FGF17: variants seen among roughly 807,000 people sequenced by gnomAD.
FGF17 encodes the protein fibroblast growth factor 17.
In FGF17, 5 loss-of-function variants were observed where a neutral mutation model predicts 23.5. The ratio of observed to expected loss-of-function variants is 0.21; its 90% CI spans 0.11 to 0.45. The LOEUF is 0.45. Among genes scored for constraint, FGF17 ranks in the 20% least tolerant of loss-of-function variants. The probability of loss-of-function intolerance (pLI) is 0.99; values close to 1 mark genes in which losing one functional copy is unlikely to be tolerated. For synonymous variants in FGF17, 136 were observed against 123.0 expected, an observed-to-expected ratio of 1.11 and a Z score of -0.70; for missense variants, 221 against 306.9, an observed-to-expected ratio of 0.72 and a Z score of 2.09.
chr8:22,042,133 G>A (rs571725157), upstream of FGF17, among the ~76,000 whole-genome samples: 2 of 152,340 alleles, frequency 1.3e-5, no homozygotes, highest in Admixed American at 1.3e-4. Flanking sequence ...AGGGGCTTAG[G>A]CCAGGACACC....
In FGF17 at chr8:22,046,540, G is replaced by A. The variant is rs775839407; in HGVS notation, c.264G>A (p.Val88=). 11 of 1,613,578 alleles carry A rather than the reference G, an allele frequency of 6.8e-6. No homozygotes were observed. The highest frequency in any genetic ancestry group is 9.3e-6 in the Non-Finnish European group (11 of 1,179,716). ...CCCCCACCACAGCCAAGCTCATAGT[G>A]GAGACGGACACGTTTGGCAGCCGGG... ...EDGNKFAKLI[V]ETDTFGSRVR... Residue 88 remains valine (V), a synonymous_variant, in exon 4 of 5, where the codon GTG becomes GTA. Transcript: ENST00000359441.
At chr8:22,043,619 C>T (rs867153249) in intron 2 of FGF17, among the ~76,000 whole-genome samples, 7 of 152,124 alleles carry the variant, frequency 4.6e-5, no homozygotes, top group South Asian at 2.1e-4. Flanking sequence ...GTGGGGGTCT[C>T]GTGAGCATGT....
intron 2 of FGF17, among the ~76,000 whole-genome samples, chr8:22,043,707 C>T (rs3176276): frequency 0.1 from 15,117 of 151,570 alleles, 1,204 homozygotes; most frequent in African/African-American, 0.21. Flanking sequence ...TTGTTTGGGA[C>T]GGGATGCAGG....
In FGF17 at chr8:22,043,178, T is replaced by C; in HGVS notation, c.69T>C (p.Thr23=). 3 of 1,613,610 alleles carry C rather than the reference T, an allele frequency of 1.9e-6. No homozygotes were observed. The highest frequency in any genetic ancestry group is 2.5e-6 in the Non-Finnish European group (3 of 1,179,980). The change falls in exon 2 of 5, where the codon ACT becomes ACC. Residue 23 remains threonine, a synonymous_variant. Coordinates refer to ENST00000359441, the MANE Select transcript of FGF17 (RefSeq NM_003867.4). ...AGCTGCTGATTCTCTGCTGTCAAACTCAGGTAGGCGGGCATTCCCACCGGC... is the reference window on the plus strand; with the variant it reads ...AGCTGCTGATTCTCTGCTGTCAAACCCAGGTAGGCGGGCATTCCCACCGGC... ...CLQLLILCCQ[T]QGENHPSPNF... is the part of the protein sequence containing the mutation.
chr8:22,040,091 C>T (rs1032938057), upstream of FGF17, among the ~76,000 whole-genome samples: 2 of 152,028 alleles, frequency 1.3e-5, no homozygotes, highest in African/African-American at 4.8e-5. Flanking sequence ...CCCCTTTCCC[C>T]GAGCTCACTC....
In FGF17 at chr8:22,047,958, C is replaced by T. The variant is rs1306787277; in HGVS notation, c.360C>T (p.Pro120=). 10 of 1,598,354 alleles carry T rather than the reference C, an allele frequency of 6.3e-6. No individual in the cohort carries two copies. Among genetic ancestry groups the T allele is most frequent in the Non-Finnish European group, 8.6e-6 (10 of 1,167,376 alleles). ...TCCTGTCCTTGCTTCTCCCGCAGCC[C>T]AGCGGGAAGAGCAAAGACTGCGTGT... ...MNKRGKLIGK[P]SGKSKDCVFT... is the part of the protein sequence containing the mutation. The change falls in exon 5 of 5, where the codon CCC becomes CCT. Residue 120 remains proline (P), a splice_region_variant and synonymous_variant. Coordinates refer to ENST00000359441, the MANE Select transcript of FGF17 (RefSeq NM_003867.4).
rs1800862948 is a variant in FGF17 at position 22,046,242 on chromosome 8, G to A, written c.201G>A (p.Gln67=). The A allele has an allele frequency of 6.2e-7, 1 of 1,613,812 alleles. No individual in the cohort carries two copies. The highest frequency in any genetic ancestry group is 1.3e-5 in the African/African-American group (1 of 74,942). ...GCAGGACCAGTGGCAAGCACGTGCA[G>A]GTCACCGGGCGTCGCATCTCCGCCA... ...LYSRTSGKHV[Q]VTGRRISATA... is the part of the protein sequence containing the mutation. Residue 67 remains glutamine (Q), a synonymous_variant, in exon 3 of 5, where the codon CAG becomes CAA. Coordinates refer to ENST00000359441, the MANE Select transcript of FGF17 (RefSeq NM_003867.4).
chr8:22,046,336 C>A (rs1165485587), intron 3 of FGF17, 45 bp downstream of exon 3: 1 of 1,589,724 alleles, frequency 6.3e-7, no homozygotes, highest in Admixed American at 1.7e-5. Context: ...CTCCACTCTG[C>A]CTCACTTCCA....
At chr8:22,047,839 C>G in intron 4 of FGF17, 117 bp from the exon 5 acceptor site, 1 of 1,008,334 alleles carries the variant, frequency 9.9e-7, no homozygotes, top group Non-Finnish European at 1.4e-6. Flanking sequence ...GTTCCCTGGG[C>G]TCACGGCCCC....
chr8:22,044,409 G>A (rs1284032954), intron 2 of FGF17, among the ~76,000 whole-genome samples: 2 of 151,986 alleles, frequency 1.3e-5, no homozygotes, highest in African/African-American at 2.4e-5. Flanking sequence ...GTCCCGCGGG[G>A]AGAGGGACTT....
intron 2 of FGF17, chr8:22,044,522 C>T: frequency 4.9e-6 from 1 of 203,766 alleles, no homozygotes; most frequent in Non-Finnish European, 8.7e-6. Context: ...TGCTCCTGAC[C>T]TGGAACAGAC....
At position 22,048,315 on chromosome 8, in the gene FGF17, A is replaced by T. The variant is rs1801007021; in HGVS notation, c.*66A>T. 5.1e-6 allele frequency: 7 copies of T among 1,364,750 alleles called. No homozygotes were observed. The highest frequency in any genetic ancestry group is 7.0e-6 in the Non-Finnish European group (7 of 1,005,896). The allele number at this position is 1,364,750 out of a possible 1,614,324, so 84.5% of individuals were successfully genotyped here. A position where few individuals can be genotyped will look rare whatever the true frequency, so the allele number is the denominator to read the frequency against. On this transcript the variant is annotated 3_prime_UTR_variant, in exon 5 of 5. Coordinates refer to ENST00000359441, the MANE Select transcript of FGF17 (RefSeq NM_003867.4). This position sits in a 1 kb window ranked among gnomAD's most constrained non-coding sequence, Gnocchi z 6.9. ...ACCCCTTTCCCTTCTTAATCCAAGG[A>T]CTGGGCTGGGGTGGCGGGAGGGGAG...
intron 2 of FGF17, among the ~76,000 whole-genome samples, chr8:22,043,531 C>T (rs1158307395): frequency 1.3e-5 from 2 of 152,160 alleles, no homozygotes; most frequent in Non-Finnish European, 2.9e-5. Context: ...TTGCCAGTAC[C>T]TGAAAGGACA....
At chr8:22,042,767 T>A, upstream of FGF17, 14 of 495,640 alleles carry the variant, frequency 2.8e-5, no homozygotes, top group East Asian at 8.1e-5. Context: ...TCCTCCTCCC[T>A]CTTTTCTCTC....
upstream of FGF17, chr8:22,042,751 TC>T: frequency 1.8e-6 from 1 of 550,476 alleles, no homozygotes; most frequent in South Asian, 1.9e-5. Context: ...GCCCTCCTCC[TC>T]CCCCTCCTCC....
At chr8:22,044,373 G>A (rs1357834922) in intron 2 of FGF17, among the ~76,000 whole-genome samples, 1 of 152,112 alleles carries the variant, frequency 6.6e-6, no homozygotes, top group Non-Finnish European at 1.5e-5. Context: ...TCCTCCCGCA[G>A]CGGGAACATG....
intron 2 of FGF17, chr8:22,045,389 G>A: frequency 1.0e-6 from 1 of 988,706 alleles, no homozygotes; most frequent in Non-Finnish European, 1.2e-6. Context: ...TTGCCTGCCT[G>A]CTGTCCCATA....
At chr8:22,041,852 G>A (rs1454777313), upstream of FGF17, among the ~76,000 whole-genome samples, 7 of 152,216 alleles carry the variant, frequency 4.6e-5, no homozygotes, top group Non-Finnish European at 1.0e-4. Flanking sequence ...GTATGAGACC[G>A]GAGGTCATGG....
intron 2 of FGF17, chr8:22,045,164 G>A (rs1800837318): frequency 2.0e-6 from 2 of 985,492 alleles, no homozygotes; most frequent in Non-Finnish European, 2.4e-6. Flanking sequence ...CTGGGAGGCG[G>A]TACTCCTCCT....
Sources: allele counts gnomAD v4.1 joint callset (sites outside exome capture counted in the v4.1 genomes callset), GRCh38; gene constraint gnomAD v4.1.1; non-coding constraint Gnocchi (gnomAD v3.1); transcripts MANE v1.5; gene names NCBI Gene and HGNC (gene_info 2026-07-23, HGNC 2026-07-21).